The following WDR72 variants were observed in gnomAD, a reference collection of about 807,000 sequenced individuals.
WDR72 encodes WD repeat domain 72.
WDR72 carries 120 observed loss-of-function variants against 124.2 expected under a neutral mutation model. The ratio of observed to expected loss-of-function variants is 0.97; its 90% CI spans 0.83 to 1.12. WDR72 has a LOEUF of 1.12. Ranked by LOEUF, WDR72 falls within the 50% of genes most tolerant of loss-of-function variation. The pLI is 0.00. For missense variants in WDR72, 1,387 were observed against 1,278.8 expected (o/e 1.08, Z -1.29); for synonymous variants, 452 against 441.7 (o/e 1.02, Z -0.29).
intron 19 of WDR72, 71 bp from the exon 20 acceptor site, chr15:53,517,825 G>A: frequency 1.4e-6 from 2 of 1,413,536 alleles, no homozygotes; most frequent in East Asian, 2.3e-5. Flanking sequence ...AGACCAAGAG[G>A]AGGGGAGGGA....
At chr15:53,521,494 C>T (rs1025088559) in intron 19 of WDR72, among the ~76,000 whole-genome samples, 2 of 152,048 alleles carry the variant, frequency 1.3e-5, no homozygotes, top group African/African-American at 2.4e-5. Context: ...TCTTTATTAC[C>T]AGCATAATGA....
At chr15:53,557,356 T>C (rs1053666233) in intron 18 of WDR72, among the ~76,000 whole-genome samples, 1 of 152,094 alleles carries the variant, frequency 6.6e-6, no homozygotes, top group Non-Finnish European at 1.5e-5. Flanking sequence ...AGTATGATAA[T>C]ATGAAAATCC....
intron 18 of WDR72, among the ~76,000 whole-genome samples, chr15:53,573,860 C>A (rs1894656023): frequency 6.6e-6 from 1 of 152,164 alleles, no homozygotes; most frequent in South Asian, 2.1e-4. Flanking sequence ...TCAACTGTTT[C>A]ATTTGCATTT....
At chr15:53,564,844 A>G (rs1256430748) in intron 18 of WDR72, among the ~76,000 whole-genome samples, 1 of 151,850 alleles carries the variant, frequency 6.6e-6, no homozygotes, top group Non-Finnish European at 1.5e-5. Flanking sequence ...GTACGATAAT[A>G]AGCTTAGTGT....
At position 53,517,059 on chromosome 15, in the gene WDR72, A is replaced by G. The variant is rs1281123577; in HGVS notation, c.*640T>C. 1 of 152,722 alleles carries G rather than the reference A, an allele frequency of 6.5e-6. No individual in the cohort carries two copies. Among genetic ancestry groups the G allele is most frequent in the African/African-American group, 2.4e-5 (1 of 41,450 alleles). The allele number at this position is 152,722 out of a possible 1,614,324, so 9.5% of individuals were successfully genotyped here. On this transcript the variant is annotated 3_prime_UTR_variant, in exon 20 of 20. Transcript: ENST00000360509. ...AGACATTAGCCTCAATGTCATTAGA[A>G]GTTCAAATTAACTCAACAGTACAAG...
At position 53,702,216 on chromosome 15, in the gene WDR72, A is replaced by T; in HGVS notation, c.1487T>A (p.Ile496Asn). ...TTTATGCAAAATTTCTTCAGTAAAG[A>T]TATCCCACAAGATCACACATGAGTC... ...DLDSCVILWD[I>N]FTEEILHKFF... Residue 496 changes from isoleucine (I) to asparagine (N), a missense_variant, in exon 12 of 20, where the codon ATC becomes AAC. Coordinates refer to ENST00000360509, the MANE Select transcript of WDR72 (RefSeq NM_182758.4). 1 of 1,614,172 alleles carries T rather than the reference A, an allele frequency of 6.2e-7. No homozygotes were observed. The highest frequency in any genetic ancestry group is 8.5e-7 in the Non-Finnish European group (1 of 1,180,022).
chr15:53,640,785 A>C (rs1291563707), intron 14 of WDR72, among the ~76,000 whole-genome samples: 1 of 152,044 alleles, frequency 6.6e-6, no homozygotes, highest in Non-Finnish European at 1.5e-5. Context: ...AAGCTTAAAG[A>C]CTAGTTGTAT....
At chr15:53,744,443 G>A (rs562650549) in intron 1 of WDR72, among the ~76,000 whole-genome samples, 6 of 152,126 alleles carry the variant, frequency 3.9e-5, no homozygotes, top group East Asian at 1.9e-4. Context: ...TGACTGTTGC[G>A]CACTCACAGG....
At chr15:53,540,862 T>C (rs1043372533) in intron 18 of WDR72, 2 of 154,430 alleles carry the variant, frequency 1.3e-5, no homozygotes, top group South Asian at 4.0e-4. Context: ...TTCCCTTTCC[T>C]AGTCAAAGAA....
chr15:53,670,513 T>C (rs1480838822), intron 13 of WDR72, among the ~76,000 whole-genome samples: 2 of 152,210 alleles, frequency 1.3e-5, no homozygotes, highest in Non-Finnish European at 2.9e-5. Context: ...CCTGCCCATG[T>C]TCTTTCTATC....
chr15:53,527,609 A>G (rs1319844828), intron 18 of WDR72, among the ~76,000 whole-genome samples: 1 of 152,086 alleles, frequency 6.6e-6, no homozygotes, highest in East Asian at 1.9e-4. Flanking sequence ...CTCATTCGTC[A>G]TCTGTATAGG....
intron 13 of WDR72, among the ~76,000 whole-genome samples, chr15:53,695,154 C>A (rs1326073109): frequency 6.6e-6 from 1 of 152,156 alleles, no homozygotes; most frequent in Non-Finnish European, 1.5e-5. Flanking sequence ...CATTGTCCCA[C>A]ACAAAAAAGT....
rs1474621821 is a variant in WDR72 at position 53,702,320 on chromosome 15, G to T, written c.1383C>A (p.His461Gln). ...SPPHKVLKGHHQSVTSLLYPH... is the reference protein window; with the variant it reads ...SPPHKVLKGHQQSVTSLLYPH... ...GATAGAGTAATGAAGTGACACTTTG[G>T]TGGTGGCCTTTAAGAACTTTATGAG... Residue 461 changes from histidine to glutamine, a missense_variant, in exon 12 of 20, where the codon CAC becomes CAA. Transcript: ENST00000360509. The T allele has an allele frequency of 6.2e-7, 1 of 1,613,982 alleles. No individual in the cohort carries two copies. Among genetic ancestry groups the T allele is most frequent in the Non-Finnish European group, 8.5e-7 (1 of 1,179,904 alleles).
In WDR72 at chr15:53,654,971, C is replaced by T. The variant is rs575407465; in HGVS notation, c.1962+10601G>A. Among the ~76,000 whole-genome samples, 12 of 152,206 alleles carry T rather than the reference C, an allele frequency of 7.9e-5. No homozygotes were observed. The East Asian group carries it at 2.3e-3, about 29-fold the overall frequency. ...CTTGGCCAGGTGCAGTGGCTCACGC[C>T]TGTAATCCCAGCATTTTGGGAGGCC... is the stretch of plus-strand genomic sequence containing the variant. On this transcript the variant is annotated intron_variant, in intron 14 of 19. Transcript: ENST00000360509.
At chr15:53,639,507 T>TATATATAATTTTATTTATTTATAAAATC (rs2014756422) in intron 14 of WDR72, among the ~76,000 whole-genome samples, 1 of 145,442 alleles carries the variant, frequency 6.9e-6, no homozygotes, top group Non-Finnish European at 1.5e-5. Flanking sequence ...TTTATAAAAT[T>TATATATAATTTTATTTATTTATAAAATC]ATATATAATT....
chr15:53,639,008 T>G (rs2014732213), intron 14 of WDR72, among the ~76,000 whole-genome samples: 1 of 151,898 alleles, frequency 6.6e-6, no homozygotes, highest in Admixed American at 6.6e-5. Flanking sequence ...AAAAGAACCA[T>G]GGTCACTGCA....
intron 13 of WDR72, among the ~76,000 whole-genome samples, chr15:53,695,699 C>T (rs928473083): frequency 1.3e-5 from 2 of 152,094 alleles, no homozygotes; most frequent in Non-Finnish European, 2.9e-5. Context: ...AGTGTGTCCA[C>T]CTACGACCCC....
chr15:53,547,371 A>T (rs969062873), intron 18 of WDR72, among the ~76,000 whole-genome samples: 6 of 152,180 alleles, frequency 3.9e-5, no homozygotes, highest in Non-Finnish European at 8.8e-5. Flanking sequence ...ACCTCAGGTG[A>T]TCCACCCGCC....
At chr15:53,543,329 G>A (rs979161175) in intron 18 of WDR72, among the ~76,000 whole-genome samples, 2 of 151,760 alleles carry the variant, frequency 1.3e-5, no homozygotes, top group African/African-American at 4.8e-5. Flanking sequence ...TAGAACTCAG[G>A]ATTAAGAATC....
Sources: gnomAD v4.1 joint callset for allele counts (sites outside exome capture counted in the v4.1 genomes callset) on GRCh38, gnomAD v4.1.1 for gene constraint, MANE v1.5 for transcripts, NCBI Gene and HGNC (gene_info 2026-07-23, HGNC 2026-07-21) for gene names.